Variants in STPG2 observed in about 807,000 individuals in gnomAD.
STPG2 encodes sperm tail PG-rich repeat containing 2, also known as sperm-tail PG-rich repeat-containing protein 2.
In STPG2, 56 loss-of-function variants were observed where a neutral mutation model predicts 54.2. That is an observed-to-expected ratio of 1.03 (90% confidence interval 0.83 to 1.29). The LOEUF is 1.29. Ranked by LOEUF, STPG2 falls within the 50% of genes most tolerant of loss-of-function variation. STPG2 has a pLI of 0.00. For synonymous variants in STPG2, 200 were observed against 181.8 expected (o/e 1.10, Z -0.81); for missense variants, 596 against 544.9 (o/e 1.09, Z -0.93).
intron 10 of STPG2, among the ~76,000 whole-genome samples, chr4:97,699,874 C>G (rs1347602532): frequency 6.6e-6 from 1 of 152,168 alleles, no homozygotes; most frequent in Non-Finnish European, 1.5e-5. Flanking sequence ...CCTCATGTAA[C>G]TTACTTGTGC....
intron 6 of STPG2, among the ~76,000 whole-genome samples, chr4:97,975,304 GAAAT>G (rs559659273): frequency 2.0e-3 from 302 of 152,044 alleles, no homozygotes; most frequent in African/African-American, 7.1e-3. Flanking sequence ...CAATAGAGCA[GAAAT>G]AAATAAATAA....
chr4:97,737,397 C>A (rs1369797569), intron 9 of STPG2, among the ~76,000 whole-genome samples: 4 of 152,078 alleles, frequency 2.6e-5, no homozygotes, highest in African/African-American at 4.8e-5. Flanking sequence ...AAGGCTTCAG[C>A]CGATAAAACT....
chr4:97,991,598 A>G (rs1045178640), intron 5 of STPG2, among the ~76,000 whole-genome samples: 1 of 151,728 alleles, frequency 6.6e-6, no homozygotes, highest in African/African-American at 2.4e-5. Context: ...ACAATGACTG[A>G]TTTTCCTCTG....
chr4:97,960,131 T>C (rs1324648043), intron 7 of STPG2, among the ~76,000 whole-genome samples: 2 of 152,108 alleles, frequency 1.3e-5, no homozygotes, highest in Non-Finnish European at 2.9e-5. Context: ...GAAAAAGCAT[T>C]TGACAAAATC....
At chr4:98,015,785 T>C (rs552560153) in intron 5 of STPG2, among the ~76,000 whole-genome samples, 77 of 152,206 alleles carry the variant, frequency 5.1e-4, no homozygotes, top group Non-Finnish European at 9.3e-4. Context: ...TTGTTCACAA[T>C]AGCAAAGACT....
In STPG2 at chr4:97,444,587, G is replaced by C. The variant is rs148638180; in HGVS notation, c.463-256754C>G. On this transcript the variant is annotated intron_variant, in intron 4 of 4. Coordinates refer to the STPG2 transcript ENST00000522676. ...AAGATGTTTTCAGACAAACAACTGA[G>C]AAAACTCATCAACAGCAAACCTGTG... Among the ~76,000 whole-genome samples the C allele has an allele frequency of 4.2e-3, 638 of 152,204 alleles. 3 individuals are homozygous for C. Among genetic ancestry groups the C allele is most frequent in the South Asian group, 0.02 (98 of 4,826 alleles).
chr4:98,123,494 G>A (rs1265024736), intron 3 of STPG2, among the ~76,000 whole-genome samples: 3 of 152,120 alleles, frequency 2.0e-5, no homozygotes, highest in Non-Finnish European at 4.4e-5. Context: ...ATAGTCGTGT[G>A]GTTTTGAGTG....
At chr4:97,764,230 G>C (rs762497975) in intron 9 of STPG2, among the ~76,000 whole-genome samples, 51 of 151,914 alleles carry the variant, frequency 3.4e-4, no homozygotes, top group Middle Eastern at 3.4e-3. Context: ...AATGGAACTT[G>C]CCTAGGGTGG....
chr4:97,950,028 C>G (rs1392337041), intron 7 of STPG2, among the ~76,000 whole-genome samples: 1 of 152,070 alleles, frequency 6.6e-6, no homozygotes, highest in East Asian at 1.9e-4. Flanking sequence ...ATTGTTAAAA[C>G]CTCCACTGCA....
At chr4:97,883,751 G>T (rs1239929667) in intron 8 of STPG2, among the ~76,000 whole-genome samples, 1 of 152,030 alleles carries the variant, frequency 6.6e-6, no homozygotes, top group African/African-American at 2.4e-5. Flanking sequence ...TCCAAGAGCT[G>T]GACAATAGTC....
At chr4:97,743,712 C>T (rs1006545811) in intron 9 of STPG2, among the ~76,000 whole-genome samples, 20 of 151,536 alleles carry the variant, frequency 1.3e-4, no homozygotes, top group African/African-American at 4.6e-4. Context: ...AGAAATGAGA[C>T]AAATGCACAT....
intron 5 of STPG2, among the ~76,000 whole-genome samples, chr4:98,046,050 CTTT>C (rs546145548): frequency 1.5e-5 from 2 of 136,502 alleles, no homozygotes; most frequent in Non-Finnish European, 3.2e-5. Flanking sequence ...TTTTTTCATT[CTTT>C]TTTTTTTTTT....
intron 7 of STPG2, among the ~76,000 whole-genome samples, 184 bp from the exon 8 acceptor site, chr4:97,944,191 T>C (rs1733110568): frequency 1.3e-5 from 2 of 152,094 alleles, no homozygotes; most frequent in South Asian, 2.1e-4. Context: ...GTCAATGAGA[T>C]ATTAAAATGG....
chr4:97,616,277 C>A (rs991862828), intron 10 of STPG2, among the ~76,000 whole-genome samples: 7 of 150,938 alleles, frequency 4.6e-5, no homozygotes, highest in Non-Finnish European at 8.9e-5. Context: ...TTCCTAAATG[C>A]TTTTAGTGAG....
intron 9 of STPG2, among the ~76,000 whole-genome samples, chr4:97,821,939 T>C (rs774441884): frequency 3.3e-5 from 5 of 152,196 alleles, no homozygotes; most frequent in Non-Finnish European, 7.3e-5. Flanking sequence ...TCCCATGTCT[T>C]GGCTATTAGC....
At chr4:97,748,577 T>C (rs369907624) in intron 9 of STPG2, among the ~76,000 whole-genome samples, 13 of 151,646 alleles carry the variant, frequency 8.6e-5, no homozygotes, top group African/African-American at 3.1e-4. Flanking sequence ...CAACAAGCTT[T>C]TGCTACAAAG....
chr4:98,038,288 T>G (rs1435069857), intron 5 of STPG2, among the ~76,000 whole-genome samples: 1 of 152,128 alleles, frequency 6.6e-6, no homozygotes, highest in African/African-American at 2.4e-5. Flanking sequence ...GAGGGCAGTA[T>G]AGGGGATCTT....
At chr4:97,712,472 CA>C (rs1724154559) in intron 10 of STPG2, among the ~76,000 whole-genome samples, 1 of 151,916 alleles carries the variant, frequency 6.6e-6, no homozygotes, top group Non-Finnish European at 1.5e-5. Context: ...ATGAATACTG[CA>C]AAGCATATTT....
At chr4:97,635,407 T>C (rs370560658) in intron 10 of STPG2, among the ~76,000 whole-genome samples, 1 of 152,140 alleles carries the variant, frequency 6.6e-6, no homozygotes, top group Non-Finnish European at 1.5e-5. Context: ...TAAAGACCAT[T>C]GAGACTAGGA....
Sources: gnomAD v4.1 joint callset for allele counts (sites outside exome capture counted in the v4.1 genomes callset) on GRCh38, gnomAD v4.1.1 for gene constraint, MANE v1.5 for transcripts, NCBI Gene and HGNC (gene_info 2026-07-23, HGNC 2026-07-21) for gene names.